The following RBFOX1 variants were observed in gnomAD, a reference collection of about 807,000 sequenced individuals.
The protein encoded by RBFOX1 is RNA binding fox-1 homolog 1.
A neutral mutation model predicts 57.7 loss-of-function variants in RBFOX1; 8 were observed. That is an observed-to-expected ratio of 0.14 (90% CI 0.08 to 0.25). The LOEUF (loss-of-function observed/expected upper bound fraction) is 0.25, where lower values mean the gene tolerates loss of function less well. Ranked by LOEUF, RBFOX1 falls within the 10% of genes least tolerant of loss-of-function variation. The pLI is 1.00. For synonymous variants in RBFOX1, 326 were observed against 222.4 expected, an observed-to-expected ratio of 1.47 and a Z score of -4.15; for missense variants, 611 against 548.5, an observed-to-expected ratio of 1.11 and a Z score of -1.14.
At chr16:5,730,677 C>T (rs956553193) in intron 3 of RBFOX1, among the ~76,000 whole-genome samples, 5 of 151,818 alleles carry the variant, frequency 3.3e-5, no homozygotes, top group African/African-American at 1.2e-4. Flanking sequence ...CTGCTGTTGT[C>T]ACCAATGTCA....
chr16:6,735,196 C>T (rs17141198), intron 3 of RBFOX1, among the ~76,000 whole-genome samples: 1 of 152,072 alleles, frequency 6.6e-6, no homozygotes, highest in Non-Finnish European at 1.5e-5. Context: ...ACAACGAAAA[C>T]CAAACTGGTG....
intron 4 of RBFOX1, among the ~76,000 whole-genome samples, chr16:7,360,706 A>T (rs748752990): frequency 6.6e-6 from 1 of 152,182 alleles, no homozygotes; most frequent in Non-Finnish European, 1.5e-5. Context: ...TCTTCTCTGG[A>T]TAATGCTGTC....
intron 3 of RBFOX1, among the ~76,000 whole-genome samples, chr16:6,985,852 AT>A (rs137915101): frequency 1.5e-5 from 2 of 135,640 alleles, no homozygotes; most frequent in African/African-American, 5.3e-5. Context: ...AAAAAACAGA[AT>A]TTTTTTTTCT....
intron 1 of RBFOX1, among the ~76,000 whole-genome samples, chr16:6,293,608 C>A (rs1323721060): frequency 6.6e-6 from 1 of 152,080 alleles, no homozygotes; most frequent in Non-Finnish European, 1.5e-5. Flanking sequence ...TTATGTGATA[C>A]CTTATGCCGT....
At chr16:5,536,711 C>T (rs1183959621) in intron 2 of RBFOX1, among the ~76,000 whole-genome samples, 3 of 150,702 alleles carry the variant, frequency 2.0e-5, no homozygotes, top group African/African-American at 7.3e-5. Context: ...GGAAATGGAA[C>T]AAGGAAGAGA....
chr16:7,354,091 C>A (rs1468345015), intron 4 of RBFOX1, among the ~76,000 whole-genome samples: 1 of 152,142 alleles, frequency 6.6e-6, no homozygotes, highest in African/African-American at 2.4e-5. Context: ...CCTGCCTCAG[C>A]CTCCTGAGTA....
At chr16:6,914,145 A>G (rs1200139500) in intron 3 of RBFOX1, among the ~76,000 whole-genome samples, 1 of 152,214 alleles carries the variant, frequency 6.6e-6, no homozygotes, top group African/African-American at 2.4e-5. Flanking sequence ...AGGAAATACG[A>G]ACATAATGAG....
intron 3 of RBFOX1, among the ~76,000 whole-genome samples, chr16:5,857,763 G>GAA (rs367716165): frequency 1.4e-5 from 2 of 147,422 alleles, no homozygotes; most frequent in East Asian, 2.0e-4. Context: ...CTCTACCAAG[G>GAA]AAAAAAAAAA....
intron 2 of RBFOX1, among the ~76,000 whole-genome samples, chr16:6,402,867 C>T (rs1249396916): frequency 2.6e-5 from 4 of 152,088 alleles, no homozygotes; most frequent in South Asian, 2.1e-4. Flanking sequence ...TAAGTGTAAC[C>T]GAGATGTAAT....
intron 3 of RBFOX1, among the ~76,000 whole-genome samples, chr16:7,037,955 A>G (rs1369389044): frequency 6.6e-6 from 1 of 152,246 alleles, no homozygotes; most frequent in Non-Finnish European, 1.5e-5. Context: ...AATTATTATT[A>G]GAGCTCTGTA....
At chr16:7,470,347 G>A (rs1397560133) in intron 4 of RBFOX1, among the ~76,000 whole-genome samples, 1 of 152,180 alleles carries the variant, frequency 6.6e-6, no homozygotes, top group Non-Finnish European at 1.5e-5. Context: ...TGGTTCATGT[G>A]ACATGCTCAG....
intron 3 of RBFOX1, among the ~76,000 whole-genome samples, chr16:6,825,132 G>C (rs572492922): frequency 6.6e-6 from 1 of 150,980 alleles, no homozygotes; most frequent in South Asian, 2.1e-4. Flanking sequence ...AAGTAGCTAG[G>C]ATTAACAACC....
At chr16:5,550,531 T>C (rs1386064280) in intron 2 of RBFOX1, among the ~76,000 whole-genome samples, 1 of 152,192 alleles carries the variant, frequency 6.6e-6, no homozygotes, top group Non-Finnish European at 1.5e-5. Flanking sequence ...CAGAAACAGA[T>C]GCCCAGACAT....
chr16:6,849,889 T>C (rs8045040), intron 3 of RBFOX1, among the ~76,000 whole-genome samples: 48,602 of 151,994 alleles, frequency 0.32, 8,169 homozygotes, highest in Admixed American at 0.42. Context: ...CCCTGATTTA[T>C]AATTATTTGT....
At chr16:6,292,992 C>T (rs573218288) in intron 1 of RBFOX1, among the ~76,000 whole-genome samples, 1 of 152,156 alleles carries the variant, frequency 6.6e-6, no homozygotes, top group Non-Finnish European at 1.5e-5. Context: ...AGGGTACTTA[C>T]AATTTCCTTC....
intron 2 of RBFOX1, among the ~76,000 whole-genome samples, chr16:5,542,495 G>T (rs1194581172): frequency 6.6e-6 from 1 of 150,758 alleles, no homozygotes; most frequent in Non-Finnish European, 1.5e-5. Flanking sequence ...CTGACCTTGT[G>T]ATCCACCCGC....
intron 3 of RBFOX1, among the ~76,000 whole-genome samples, chr16:6,737,759 C>G (rs184497564): frequency 2.6e-5 from 4 of 151,954 alleles, no homozygotes; most frequent in African/African-American, 9.7e-5. Flanking sequence ...AAATAATAGT[C>G]CATTTATTAA....
intron 3 of RBFOX1, among the ~76,000 whole-genome samples, chr16:5,663,102 G>C (rs2049711769): frequency 6.6e-6 from 1 of 152,166 alleles, no homozygotes; most frequent in Non-Finnish European, 1.5e-5. Flanking sequence ...GTATAGGCCA[G>C]GGATACTGCT....
At chr16:6,952,314 G>C (rs907119380) in intron 3 of RBFOX1, among the ~76,000 whole-genome samples, 1 of 152,176 alleles carries the variant, frequency 6.6e-6, no homozygotes, top group Non-Finnish European at 1.5e-5. Context: ...CAAAAAAGTA[G>C]AACTCCAGTT....
Sources: allele counts gnomAD v4.1 joint callset (sites outside exome capture counted in the v4.1 genomes callset), GRCh38; gene constraint gnomAD v4.1.1; transcripts MANE v1.5; gene names NCBI Gene and HGNC (gene_info 2026-07-23, HGNC 2026-07-21).